The following TENM2 variants were observed in gnomAD, a reference collection of about 807,000 sequenced individuals.
TENM2 encodes teneurin transmembrane protein 2, also known as teneurin-2.
In TENM2, 52 loss-of-function variants were observed where a neutral mutation model predicts 245.2. The observed-to-expected ratio is 0.21, with a 90% CI of 0.17 to 0.27. TENM2 has a LOEUF of 0.27. Among genes scored for constraint, TENM2 ranks in the 10% least tolerant of loss-of-function variants. The pLI, the probability that TENM2 is intolerant of heterozygous loss-of-function variation, is 1.00. For synonymous variants in TENM2, 1,363 were observed against 1,438.9 expected (o/e 0.95, Z 1.19); for missense variants, 3,046 against 3,666.8 (o/e 0.83, Z 4.37).
At chr5:167,145,585 A>G in the TENM2 span, among the ~76,000 whole-genome samples, 1 of 152,336 alleles carries the variant, frequency 6.6e-6, no homozygotes, top group African/African-American at 2.4e-5. Flanking sequence ...CAGTTAGGGA[A>G]GTATTGATGC....
At chr5:167,170,904 G>A in the TENM2 span, among the ~76,000 whole-genome samples, 12 of 144,096 alleles carry the variant, frequency 8.3e-5, no homozygotes, top group African/African-American at 3.2e-4. Flanking sequence ...GGTTATCACC[G>A]TCTCCTAAAA....
the TENM2 span, among the ~76,000 whole-genome samples, chr5:167,210,845 G>T: frequency 6.6e-6 from 1 of 152,188 alleles, no homozygotes; most frequent in Non-Finnish European, 1.5e-5. Flanking sequence ...TTCTGCAGCA[G>T]TAGATTAAAT....
intron 1 of TENM2, among the ~76,000 whole-genome samples, chr5:167,339,949 A>G (rs950282507): frequency 1.3e-5 from 2 of 152,204 alleles, no homozygotes; most frequent in Admixed American, 1.3e-4. Flanking sequence ...ACTATGAGAA[A>G]TACATTTCTG....
intron 2 of TENM2, among the ~76,000 whole-genome samples, chr5:167,864,521 G>A (rs938636435): frequency 3.3e-5 from 5 of 152,208 alleles, no homozygotes; most frequent in Non-Finnish European, 7.3e-5. Flanking sequence ...ACACAGAAAA[G>A]TTAGATGACT....
intron 2 of TENM2, among the ~76,000 whole-genome samples, chr5:167,807,905 C>A (rs1766348296): frequency 6.6e-6 from 1 of 152,148 alleles, no homozygotes; most frequent in Non-Finnish European, 1.5e-5. Flanking sequence ...GAATGGGATC[C>A]AGGCAACTGT....
chr5:167,698,635 A>G (rs1757925213), intron 2 of TENM2, among the ~76,000 whole-genome samples: 2 of 149,920 alleles, frequency 1.3e-5, no homozygotes, highest in South Asian at 4.2e-4. Context: ...AATGGCTTCC[A>G]TAAATAGTTT....
rs1459693240 is a variant in TENM2, at chr5:167,449,567, GATAA to G, written c.502+74096_502+74099del. On this transcript the variant is annotated intron_variant, in intron 2 of 28. Transcript: ENST00000518659. ...AGATAGATAGATAGATAGATAGATA[GATAA>G]AGACAGTTTTTAAAATAATTGTAGT... Among the ~76,000 whole-genome samples, 176 of 131,818 alleles carry G rather than the reference GATAA, an allele frequency of 1.3e-3. 4 individuals are homozygous for G. In the South Asian group the frequency reaches 0.046, roughly 35 times the overall value. 86.5% of individuals were successfully genotyped at this position (131,818 alleles called of 152,430 possible).
intron 5 of TENM2, among the ~76,000 whole-genome samples, chr5:168,010,045 C>T (rs955126208): frequency 3.9e-5 from 6 of 152,220 alleles, no homozygotes; most frequent in African/African-American, 7.2e-5. Context: ...CTCCCTCCTG[C>T]TTCCCTGCCA....
intron 5 of TENM2, among the ~76,000 whole-genome samples, chr5:168,032,107 C>T (rs1718771171): frequency 6.6e-6 from 1 of 152,186 alleles, no homozygotes; most frequent in Non-Finnish European, 1.5e-5. Flanking sequence ...AAGCCCAGCT[C>T]TGCCACTACT....
chr5:168,124,839 G>A lies in TENM2; in HGVS notation c.2009-11G>A, dbSNP rs759840569. 1.4e-5 allele frequency: 23 copies of A among 1,599,182 alleles called. No homozygotes were observed. The East Asian group carries it at 4.3e-4, about 30-fold the overall frequency. ...CTTTTATTCTTTGGTTTTTGTTTTTGTTTTTTTCAGTTGATTGCTTGGATC... is the reference window on the plus strand; with the variant it reads ...CTTTTATTCTTTGGTTTTTGTTTTTATTTTTTTCAGTTGATTGCTTGGATC... On this transcript the variant is annotated splice_polypyrimidine_tract_variant and intron_variant, in intron 10 of 28. Coordinates refer to ENST00000518659, the Ensembl canonical transcript of TENM2.
rs1176405769 is a variant in TENM2, at chr5:167,801,095, GAAAAAAA to G, written c.503-74882_503-74876del. 8.9e-4 allele frequency among the ~76,000 whole-genome samples: 45 copies of G among 50,684 alleles called. 1 individual carries two copies. The highest frequency in any genetic ancestry group is 3.0e-3 in the African/African-American group (43 of 14,356). The allele number at this position is 50,684 out of a possible 152,430, so 33.3% of individuals were successfully genotyped here. A position where few individuals can be genotyped will look rare whatever the true frequency, so the allele number is the denominator to read the frequency against. ...CCTATACTTTGAATGTATTTGAAAA[GAAAAAAA>G]AAAAAAAATATATATATATATATAT... On this transcript the variant is annotated intron_variant, in intron 2 of 28. Coordinates refer to ENST00000518659, the Ensembl canonical transcript of TENM2.
At chr5:167,475,992 A>G (rs1436100237) in intron 2 of TENM2, among the ~76,000 whole-genome samples, 6 of 152,238 alleles carry the variant, frequency 3.9e-5, no homozygotes, top group African/African-American at 1.4e-4. Context: ...AAAAAAGCAT[A>G]TAAATTTTTT....
intron 2 of TENM2, among the ~76,000 whole-genome samples, chr5:167,787,560 T>A (rs941462700): frequency 3.3e-5 from 5 of 152,210 alleles, no homozygotes; most frequent in African/African-American, 1.2e-4. Context: ...GCTCCTGGCA[T>A]CCATCCTATG....
At chr5:167,731,634 GT>G (rs1760444084) in intron 2 of TENM2, among the ~76,000 whole-genome samples, 2 of 142,592 alleles carry the variant, frequency 1.4e-5, no homozygotes, top group South Asian at 4.5e-4. Context: ...CCTAGAGTGT[GT>G]TTGGTCTAAT....
intron 2 of TENM2, among the ~76,000 whole-genome samples, chr5:167,816,823 C>G (rs1393270653): frequency 6.9e-6 from 1 of 143,954 alleles, no homozygotes; most frequent in African/African-American, 2.5e-5. Context: ...CAGAATGACC[C>G]GGGTGAAGTA....
intron 2 of TENM2, among the ~76,000 whole-genome samples, chr5:167,515,916 C>T (rs1157737627): frequency 1.3e-5 from 2 of 151,892 alleles, no homozygotes; most frequent in Non-Finnish European, 2.9e-5. Context: ...ACTCATTTAG[C>T]CAAAGGAAAT....
intron 2 of TENM2, among the ~76,000 whole-genome samples, chr5:167,672,752 A>G (rs1397394358): frequency 1.3e-5 from 2 of 152,064 alleles, no homozygotes; most frequent in African/African-American, 2.4e-5. Context: ...GCAGGCACCT[A>G]TTTCTCTCAG....
intron 2 of TENM2, among the ~76,000 whole-genome samples, chr5:167,822,185 C>T (rs1396036007): frequency 6.6e-6 from 1 of 151,716 alleles, no homozygotes; most frequent in Non-Finnish European, 1.5e-5. Context: ...AAAAATGTAA[C>T]ACCCACGCCC....
the TENM2 span, among the ~76,000 whole-genome samples, chr5:167,246,523 C>A: frequency 6.6e-6 from 1 of 151,648 alleles, no homozygotes; most frequent in Non-Finnish European, 1.5e-5. Context: ...TAGTATATTT[C>A]TATAGTATTA....
Sources: allele counts gnomAD v4.1 joint callset (sites outside exome capture counted in the v4.1 genomes callset), GRCh38; gene constraint gnomAD v4.1.1; transcripts MANE v1.5; gene names NCBI Gene and HGNC (gene_info 2026-07-23, HGNC 2026-07-21).